Variants in CLVS1 observed in about 807,000 individuals in gnomAD.
CLVS1 encodes the protein clavesin 1.
CLVS1 carries 10 observed loss-of-function variants against 33.1 expected under a neutral mutation model. That is an observed-to-expected ratio of 0.30 (90% CI 0.19 to 0.51). The LOEUF (loss-of-function observed/expected upper bound fraction) is 0.51. CLVS1 is among the 20% of genes least tolerant of loss of function. CLVS1 has a pLI of 0.97. For missense variants in CLVS1, 343 were observed against 433.4 expected (o/e 0.79, Z 1.85); for synonymous variants, 163 against 166.1 (o/e 0.98, Z 0.14).
At chr8:61,344,107 A>AT (rs771735538) in intron 2 of CLVS1, among the ~76,000 whole-genome samples, 9 of 152,104 alleles carry the variant, frequency 5.9e-5, no homozygotes, top group Non-Finnish European at 1.2e-4. Context: ...GAAGGCATCA[A>AT]TTTTTTCACA....
chr8:60,995,414 C>T, the CLVS1 span, among the ~76,000 whole-genome samples: 2 of 152,282 alleles, frequency 1.3e-5, no homozygotes, highest in African/African-American at 4.8e-5. Flanking sequence ...TGAAAAAATG[C>T]TCACCATCAC....
At chr8:61,376,515 C>A in intron 2 of CLVS1, 90 bp from the exon 3 acceptor site, 1 of 1,234,884 alleles carries the variant, frequency 8.1e-7, no homozygotes, top group Non-Finnish European at 1.1e-6. Context: ...GTTCATGGAG[C>A]AGTGGCATGC....
chr8:61,190,511 A>G (rs1807446171), intron 2 of CLVS1, among the ~76,000 whole-genome samples: 1 of 152,190 alleles, frequency 6.6e-6, no homozygotes. Context: ...GAAGACAAGA[A>G]ATAACTAAGA....
intron 5 of CLVS1, among the ~76,000 whole-genome samples, chr8:61,488,267 A>G (rs970518672): frequency 1.3e-5 from 2 of 152,204 alleles, no homozygotes; most frequent in African/African-American, 2.4e-5. Context: ...TAGAATTTTG[A>G]AACTCTAAGG....
At chr8:61,357,688 G>A (rs1259347929) in intron 2 of CLVS1, among the ~76,000 whole-genome samples, 1 of 151,064 alleles carries the variant, frequency 6.6e-6, no homozygotes, top group Non-Finnish European at 1.5e-5. Context: ...TGTATTTTTA[G>A]TAGAGACAGG....
chr8:61,382,599 A>G (rs1813926216), intron 3 of CLVS1, among the ~76,000 whole-genome samples: 1 of 152,174 alleles, frequency 6.6e-6, no homozygotes, highest in Non-Finnish European at 1.5e-5. Context: ...GCCCTAACAC[A>G]TGGTATTATA....
chr8:60,992,343 G>A, the CLVS1 span, among the ~76,000 whole-genome samples: 4 of 152,168 alleles, frequency 2.6e-5, no homozygotes, highest in Admixed American at 2.6e-4. Context: ...GAATGCTTAG[G>A]AGAGGGAGCT....
chr8:61,186,543 A>C (rs766907966), intron 2 of CLVS1, among the ~76,000 whole-genome samples: 12 of 152,172 alleles, frequency 7.9e-5, no homozygotes, highest in Non-Finnish European at 1.6e-4. Context: ...AGGGCCAATC[A>C]AACTGCCTTT....
upstream of CLVS1, among the ~76,000 whole-genome samples, chr8:61,284,881 CCTTACTA>C (rs1445605037): frequency 2.0e-5 from 3 of 151,984 alleles, no homozygotes; most frequent in African/African-American, 7.3e-5. Flanking sequence ...AATGATCTGG[CCTTACTA>C]CTTACTACTC....
chr8:61,025,185 C>T, the CLVS1 span, among the ~76,000 whole-genome samples: 1 of 152,164 alleles, frequency 6.6e-6, no homozygotes, highest in African/African-American at 2.4e-5. Context: ...CTTCCCTTTC[C>T]TTAAAAGTAA....
At chr8:61,441,205 T>G (rs995083738) in intron 3 of CLVS1, among the ~76,000 whole-genome samples, 1 of 152,186 alleles carries the variant, frequency 6.6e-6, no homozygotes, top group Non-Finnish European at 1.5e-5. Flanking sequence ...ACTGAATAGA[T>G]AAAGCCTAAC....
chr8:61,095,215 A>G (rs953361530), intron 1 of CLVS1, among the ~76,000 whole-genome samples: 1 of 152,184 alleles, frequency 6.6e-6, no homozygotes, highest in Non-Finnish European at 1.5e-5. Context: ...AACAAAACTT[A>G]GTCAATTTTT....
At chr8:61,205,133 T>A (rs1213216138) in intron 2 of CLVS1, among the ~76,000 whole-genome samples, 1 of 152,238 alleles carries the variant, frequency 6.6e-6, no homozygotes, top group Non-Finnish European at 1.5e-5. Flanking sequence ...TTAAAAATTG[T>A]GGTTAAATAT....
intron 2 of CLVS1, among the ~76,000 whole-genome samples, chr8:61,366,253 G>A (rs749029110): frequency 1.8e-4 from 27 of 152,130 alleles, no homozygotes; most frequent in Non-Finnish European, 3.2e-4. Context: ...GTCTTAAAGT[G>A]GTGTTTGAGG....
intron 3 of CLVS1, among the ~76,000 whole-genome samples, chr8:61,417,823 A>G (rs548063749): frequency 6.6e-6 from 1 of 152,264 alleles, no homozygotes; most frequent in African/African-American, 2.4e-5. Flanking sequence ...GGGGATCTGG[A>G]TTCAGAAGGA....
At chr8:61,402,990 G>A (rs1478411308) in intron 3 of CLVS1, among the ~76,000 whole-genome samples, 1 of 152,150 alleles carries the variant, frequency 6.6e-6, no homozygotes, top group African/African-American at 2.4e-5. Context: ...GCTAAAACAT[G>A]ATAAGTACTA....
chr8:61,013,349 C>G, the CLVS1 span, among the ~76,000 whole-genome samples: 8 of 152,232 alleles, frequency 5.3e-5, no homozygotes, highest in Admixed American at 5.2e-4. Context: ...TGGTCCCCAG[C>G]TGTGGCTGAG....
chr8:61,190,374 G>A (rs1807443604), intron 2 of CLVS1, among the ~76,000 whole-genome samples: 1 of 152,188 alleles, frequency 6.6e-6, no homozygotes, highest in Non-Finnish European at 1.5e-5. Context: ...ATTTAAAGCA[G>A]TGTGTAGAGG....
intron 1 of CLVS1, among the ~76,000 whole-genome samples, chr8:61,118,611 G>A (rs550547868): frequency 6.6e-6 from 1 of 151,440 alleles, no homozygotes; most frequent in African/African-American, 2.4e-5. Flanking sequence ...CTTTATTTCT[G>A]CCTTCATTTC....
Sources: gnomAD v4.1 joint callset for allele counts (sites outside exome capture counted in the v4.1 genomes callset) on GRCh38, gnomAD v4.1.1 for gene constraint, MANE v1.5 for transcripts, NCBI Gene and HGNC (gene_info 2026-07-23, HGNC 2026-07-21) for gene names.